TMEM163: variants seen among roughly 807,000 people sequenced by gnomAD.
TMEM163 encodes transmembrane protein 163.
In TMEM163, 17 loss-of-function variants were observed where a neutral mutation model predicts 29.3. The observed-to-expected ratio is 0.58, with a 90% CI of 0.40 to 0.87. The LOEUF (loss-of-function observed/expected upper bound fraction) is 0.87, where lower values mean the gene tolerates loss of function less well. TMEM163 is among the 40% of genes least tolerant of loss of function. TMEM163 has a pLI of 0.00. For synonymous variants in TMEM163, 157 were observed against 160.6 expected (o/e 0.98, Z 0.17); for missense variants, 303 against 381.5 (o/e 0.79, Z 1.71).
At chr2:134,630,757 A>C (rs1168316407) in intron 2 of TMEM163, among the ~76,000 whole-genome samples, 3 of 152,212 alleles carry the variant, frequency 2.0e-5, no homozygotes, top group Admixed American at 6.5e-5. Context: ...TTCCATCAGA[A>C]GCACACCACC....
intron 2 of TMEM163, among the ~76,000 whole-genome samples, chr2:134,597,405 T>C (rs998279881): frequency 4.0e-5 from 6 of 149,842 alleles, no homozygotes; most frequent in Non-Finnish European, 8.9e-5. Context: ...TGTTTATATG[T>C]TGGATTACAT....
intron 4 of TMEM163, among the ~76,000 whole-genome samples, chr2:134,533,032 T>A (rs1680448655): frequency 6.6e-6 from 1 of 152,214 alleles, no homozygotes; most frequent in African/African-American, 2.4e-5. Flanking sequence ...GTTTAGTTGT[T>A]TCTTATTAAA....
At chr2:134,673,847 T>C (rs1574329243) in intron 2 of TMEM163, among the ~76,000 whole-genome samples, 1 of 152,232 alleles carries the variant, frequency 6.6e-6, no homozygotes, top group East Asian at 1.9e-4. Flanking sequence ...TGGACTTCTG[T>C]CCTTCAGAAC....
In TMEM163 at chr2:134,640,641, G is replaced by A. The variant is rs191149383; in HGVS notation, c.322+72559C>T. On this transcript the variant is annotated intron_variant, in intron 2 of 7. Coordinates refer to ENST00000281924, the MANE Select transcript of TMEM163 (RefSeq NM_030923.5). ...AGCCTGAGACTAGCCTCCAACCCACGGGAAAAGACACGCCCCAGGGGGACA... is the reference window on the plus strand; with the variant it reads ...AGCCTGAGACTAGCCTCCAACCCACAGGAAAAGACACGCCCCAGGGGGACA... Among the ~76,000 whole-genome samples the A allele has an allele frequency of 1.7e-3, 257 of 152,212 alleles. 1 individual carries two copies. Among genetic ancestry groups the A allele is most frequent in the South Asian group, 9.7e-3 (47 of 4,824 alleles).
intron 4 of TMEM163, among the ~76,000 whole-genome samples, chr2:134,538,855 T>G (rs1680598819): frequency 1.3e-5 from 2 of 152,086 alleles, no homozygotes; most frequent in African/African-American, 4.8e-5. Flanking sequence ...GGCTGGGTGG[T>G]GAAGGCTACA....
At chr2:134,718,462 G>A (rs760651499) in intron 1 of TMEM163, among the ~76,000 whole-genome samples, 20 of 152,246 alleles carry the variant, frequency 1.3e-4, no homozygotes, top group Middle Eastern at 3.2e-3. Context: ...AGGGCCTGGA[G>A]CTGGCGGAGA....
At chr2:134,456,847 AT>A (rs56024138) in intron 7 of TMEM163, 71 bp from the exon 8 acceptor site, 272,230 of 1,355,242 alleles carry the variant, frequency 0.2, 25,073 homozygotes, top group South Asian at 0.32. Context: ...GCGTATTTTC[AT>A]TTTTTTTTTC....
Position 134,457,462 on chromosome 2 carries a change from A to C in TMEM163, c.809+570T>G, listed in dbSNP as rs751506206. On this transcript the variant is annotated intron_variant, in intron 7 of 7. Coordinates refer to ENST00000281924, the MANE Select transcript of TMEM163 (RefSeq NM_030923.5). ...GATAGCCATCCTACCTTTCCTTGAG[A>C]ATGGAAGCATTTTAACATTTAAAAG... is the stretch of plus-strand genomic sequence containing the variant. Among the ~76,000 whole-genome samples the C allele has an allele frequency of 6.7e-4, 102 of 152,144 alleles. 2 individuals are homozygous for C. Among genetic ancestry groups the C allele is most frequent in the Non-Finnish European group, 1.8e-4 (12 of 68,032 alleles).
chr2:134,690,949 T>C (rs1329628415), intron 2 of TMEM163, among the ~76,000 whole-genome samples: 1 of 152,142 alleles, frequency 6.6e-6, no homozygotes, highest in Non-Finnish European at 1.5e-5. Context: ...TGACTACCCA[T>C]CTACCTGGTC....
At chr2:134,711,809 G>A (rs986304368) in intron 2 of TMEM163, among the ~76,000 whole-genome samples, 1 of 152,142 alleles carries the variant, frequency 6.6e-6, no homozygotes, top group African/African-American at 2.4e-5. Flanking sequence ...AAACATCCAC[G>A]TGACAAATCA....
intron 5 of TMEM163, among the ~76,000 whole-genome samples, chr2:134,490,102 T>A (rs1171363907): frequency 1.3e-5 from 2 of 152,182 alleles, no homozygotes; most frequent in African/African-American, 4.8e-5. Flanking sequence ...CAGTCTCCTT[T>A]GAGAGACAAG....
intron 2 of TMEM163, among the ~76,000 whole-genome samples, chr2:134,711,763 C>T (rs1312178518): frequency 2.0e-5 from 3 of 152,202 alleles, no homozygotes; most frequent in Non-Finnish European, 4.4e-5. Flanking sequence ...AGAAGAAAGA[C>T]TTGCCCAATA....
intron 4 of TMEM163, among the ~76,000 whole-genome samples, chr2:134,521,156 G>T (rs1680181922): frequency 6.6e-6 from 1 of 152,068 alleles, no homozygotes. Context: ...ATGCCACCAT[G>T]CCCAATTAGT....
chr2:134,631,224 C>A (rs1222253028), intron 2 of TMEM163, among the ~76,000 whole-genome samples: 2 of 152,126 alleles, frequency 1.3e-5, no homozygotes, highest in African/African-American at 4.8e-5. Context: ...CATTCGCAGG[C>A]AGTTGGGAAG....
intron 4 of TMEM163, among the ~76,000 whole-genome samples, chr2:134,511,158 G>GT (rs1223109533): frequency 6.7e-6 from 1 of 150,106 alleles, no homozygotes; most frequent in East Asian, 2.0e-4. Flanking sequence ...CAAGGCGGGG[G>GT]GGGGTGCTGT....
chr2:134,706,988 C>T (rs1342873039), intron 2 of TMEM163, among the ~76,000 whole-genome samples: 2 of 152,308 alleles, frequency 1.3e-5, no homozygotes, highest in East Asian at 3.9e-4. Flanking sequence ...CGCTGGTCTG[C>T]CTGTTCCTCC....
At chr2:134,688,595 C>A (rs975448469) in intron 2 of TMEM163, among the ~76,000 whole-genome samples, 1 of 152,130 alleles carries the variant, frequency 6.6e-6, no homozygotes, top group Non-Finnish European at 1.5e-5. Context: ...AATTTTAGTT[C>A]TCCCACCACC....
At chr2:134,704,145 C>T (rs1684757901) in intron 2 of TMEM163, among the ~76,000 whole-genome samples, 1 of 152,112 alleles carries the variant, frequency 6.6e-6, no homozygotes, top group East Asian at 1.9e-4. Context: ...TCTTCTGCAC[C>T]TGCTTCTTTC....
intron 4 of TMEM163, among the ~76,000 whole-genome samples, chr2:134,510,299 G>A (rs1679918490): frequency 6.6e-6 from 1 of 152,186 alleles, no homozygotes. Flanking sequence ...CTAGTACACA[G>A]ATAGGGCAGG....
Sources: gnomAD v4.1 joint callset for allele counts (sites outside exome capture counted in the v4.1 genomes callset) on GRCh38, gnomAD v4.1.1 for gene constraint, MANE v1.5 for transcripts, NCBI Gene and HGNC (gene_info 2026-07-23, HGNC 2026-07-21) for gene names.